ANK2: variants seen among roughly 807,000 people sequenced by gnomAD.
ANK2 encodes ankyrin-2.
In ANK2, 83 loss-of-function variants were observed where a neutral mutation model predicts 360.5. The observed-to-expected ratio is 0.23, with a 90% CI of 0.19 to 0.28. The LOEUF (loss-of-function observed/expected upper bound fraction) is 0.28. ANK2 is among the 10% of genes least tolerant of loss of function. ANK2 has a pLI of 1.00. For missense variants in ANK2, 4,201 were observed against 4,795.7 expected (o/e 0.88, Z 3.66); for synonymous variants, 1,740 against 1,759.5 (o/e 0.99, Z 0.28).
intron 1 of ANK2, among the ~76,000 whole-genome samples, chr4:112,832,429 TAG>T (rs1168414217): frequency 6.6e-6 from 1 of 152,136 alleles, no homozygotes; most frequent in Admixed American, 6.5e-5. Context: ...AAGAAAAAAA[TAG>T]ATTTTGCATC....
At chr4:113,059,585 C>T (rs1018606265) in intron 1 of ANK2, among the ~76,000 whole-genome samples, 4 of 152,020 alleles carry the variant, frequency 2.6e-5, no homozygotes, top group African/African-American at 9.7e-5. Flanking sequence ...GGTCATTCCT[C>T]TGTCCCAATA....
intron 1 of ANK2, among the ~76,000 whole-genome samples, chr4:112,833,705 A>G (rs947438759): frequency 1.3e-5 from 2 of 152,026 alleles, no homozygotes; most frequent in South Asian, 2.1e-4. Flanking sequence ...GGGTTTCACC[A>G]TGTTAGCCAG....
chr4:113,345,618 T>TA (rs1353832606), intron 34 of ANK2, among the ~76,000 whole-genome samples: 3 of 152,176 alleles, frequency 2.0e-5, no homozygotes. Context: ...ATTAATTTGA[T>TA]ACGCTAATCA....
intron 2 of ANK2, among the ~76,000 whole-genome samples, chr4:112,914,371 C>T (rs981717096): frequency 6.6e-5 from 10 of 152,238 alleles, no homozygotes; most frequent in African/African-American, 1.9e-4. Flanking sequence ...CGGTAATCCC[C>T]GTACTTTGGG....
At chr4:113,311,233 T>C in intron 23 of ANK2, 22 bp from the exon 24 acceptor site, 1 of 1,614,076 alleles carries the variant, frequency 6.2e-7, no homozygotes, top group South Asian at 1.1e-5. Context: ...ATAATCCTGC[T>C]TCTTCCTCTG....
intron 2 of ANK2, among the ~76,000 whole-genome samples, chr4:112,951,059 G>A (rs1347042635): frequency 9.1e-5 from 12 of 132,112 alleles, no homozygotes; most frequent in African/African-American, 2.1e-4. Context: ...TCCAGCCTGG[G>A]CGACAGAGCG....
chr4:112,708,315 T>A, the ANK2 span, among the ~76,000 whole-genome samples: 1 of 152,322 alleles, frequency 6.6e-6, no homozygotes, highest in South Asian at 2.1e-4. Context: ...ATTGGAATTG[T>A]TTTACTCTTT....
chr4:113,360,113 G>T (rs1017634212), intron 38 of ANK2, among the ~76,000 whole-genome samples: 2 of 152,196 alleles, frequency 1.3e-5, no homozygotes, highest in Non-Finnish European at 2.9e-5. Context: ...CTATACCATG[G>T]TCTAAAATGC....
rs29325 is a variant in ANK2 at position 113,288,194 on chromosome 4, C to T, written c.2179-194C>T. The stretch of plus-strand genomic sequence containing the variant: ...AGTTCTTTGCAGATTTTGTCACCCA[C>T]ATCTGATCTCTCTTGCTGATATGAA... On this transcript the variant is annotated intron_variant, in intron 19 of 45. Coordinates refer to ENST00000357077, the MANE Select transcript of ANK2 (RefSeq NM_001148.6). 0.49 allele frequency among the ~76,000 whole-genome samples: 73,741 copies of T among 151,980 alleles called. 18,999 individuals are homozygous for T. Among genetic ancestry groups the T allele is most frequent in the South Asian group, 0.61 (2,948 of 4,820 alleles).
chr4:113,309,315 A>G (rs1478340445), intron 23 of ANK2, among the ~76,000 whole-genome samples: 1 of 152,204 alleles, frequency 6.6e-6, no homozygotes, highest in Non-Finnish European at 1.5e-5. Flanking sequence ...TAATCAAGAC[A>G]TTGACTATAT....
At chr4:112,869,417 A>AC (rs1213987772) in intron 1 of ANK2, among the ~76,000 whole-genome samples, 1 of 152,082 alleles carries the variant, frequency 6.6e-6, no homozygotes, top group Non-Finnish European at 1.5e-5. Context: ...TGCTGGGACT[A>AC]CAAGTGCATG....
At position 113,249,752 on chromosome 4, in the gene ANK2, T is replaced by C. The variant is rs1563165539; in HGVS notation, c.892-12T>C. On this transcript the variant is annotated splice_polypyrimidine_tract_variant and intron_variant, in intron 9 of 45. Coordinates refer to ENST00000357077, the MANE Select transcript of ANK2 (RefSeq NM_001148.6). ...AGTGAACTTGGGCCTAATTCTTTAA[T>C]TCTTTTGGCAGGATGGGTTGACACC... The C allele has an allele frequency of 2.5e-6, 4 of 1,613,760 alleles. No individual in the cohort carries two copies. Among genetic ancestry groups the C allele is most frequent in the Non-Finnish European group, 3.4e-6 (4 of 1,179,812 alleles).
chr4:112,745,315 A>C, the ANK2 span, among the ~76,000 whole-genome samples: 3 of 152,180 alleles, frequency 2.0e-5, no homozygotes, highest in Non-Finnish European at 1.5e-5. Context: ...TTGTGGGCAC[A>C]TAGTAGGTGT....
chr4:113,066,036 A>T lies in ANK2; in HGVS notation c.84+16224A>T, dbSNP rs558998189. ...TCTTTAATTAGAACTAAAACAAAAA[A>T]AGTAGTTGAAATAAAAATATTATGA... is the stretch of plus-strand genomic sequence containing the variant. On this transcript the variant is annotated intron_variant, in intron 1 of 45. Transcript: ENST00000357077. 1.2e-3 allele frequency among the ~76,000 whole-genome samples: 190 copies of T among 152,328 alleles called. 2 individuals are homozygous for T. The highest frequency in any genetic ancestry group is 4.4e-3 in the African/African-American group (181 of 41,590).
chr4:113,069,122 A>G (rs938147341), intron 1 of ANK2, among the ~76,000 whole-genome samples: 3 of 152,114 alleles, frequency 2.0e-5, no homozygotes, highest in Non-Finnish European at 4.4e-5. Flanking sequence ...AGAAATGAGG[A>G]TCAAAGTCCT....
chr4:113,356,696 C>T lies in ANK2; in HGVS notation c.8078C>T (p.Ser2693Phe), dbSNP rs1455581919. ...CCAGTGATTCGAGTACAACCTCCTT[C>T]TCCACTTCCATCAAGCATGGACTCC... is the stretch of plus-strand genomic sequence containing the variant. ...PEPVIRVQPP[S>F]PLPSSMDSNS... The change falls in exon 38 of 46, where the codon TCT (serine) becomes TTT (phenylalanine). Residue 2693 changes from serine (S) to phenylalanine (F), a missense_variant. By Grantham distance (155) the Ser-to-Phe change is radical. Transcript: ENST00000357077. The T allele has an allele frequency of 7.4e-6, 12 of 1,614,036 alleles. No individual in the cohort carries two copies. Among genetic ancestry groups the T allele is most frequent in the South Asian group, 1.1e-5 (1 of 91,094 alleles).
At chr4:113,204,652 A>G (rs888246774) in intron 4 of ANK2, among the ~76,000 whole-genome samples, 2 of 152,224 alleles carry the variant, frequency 1.3e-5, no homozygotes, top group African/African-American at 4.8e-5. Flanking sequence ...ACAATTAGTG[A>G]TGAAGCCACA....
At chr4:113,349,285 C>T (rs1365710292) in intron 36 of ANK2, among the ~76,000 whole-genome samples, 1 of 131,840 alleles carries the variant, frequency 7.6e-6, no homozygotes, top group Non-Finnish European at 1.5e-5. Context: ...AATTGGAAAA[C>T]TTAAAATAAT....
In ANK2 at chr4:113,242,201, A is replaced by G; in HGVS notation, c.883A>G (p.Lys295Glu). The change falls in exon 9 of 46, where the codon AAA becomes GAA. Residue 295 changes from lysine (K) to glutamate (E), a missense_variant. Lys to Glu is a moderately conservative substitution (Grantham distance 56, BLOSUM62 1). Transcript: ENST00000357077. ...LLDRGGQIDA[K>E]TRDGLTPLHC... The stretch of plus-strand genomic sequence containing the variant: ...GGATCGAGGCGGTCAGATCGATGCC[A>G]AAACTAGGGTGAGTGTCTCTGTTCT... 4.3e-6 allele frequency: 7 copies of G among 1,613,152 alleles called. No individual in the cohort carries two copies. The highest frequency in any genetic ancestry group is 5.9e-6 in the Non-Finnish European group (7 of 1,179,110).
Sources: gnomAD v4.1 joint callset for allele counts (sites outside exome capture counted in the v4.1 genomes callset) on GRCh38, gnomAD v4.1.1 for gene constraint, MANE v1.5 for transcripts, NCBI Gene and HGNC (gene_info 2026-07-23, HGNC 2026-07-21) for gene names.